Variants in FHIT observed in about 807,000 individuals in gnomAD.
FHIT encodes the protein bis(5'-adenosyl)-triphosphatase.
A neutral mutation model predicts 17.9 loss-of-function variants in FHIT; 19 were observed. The observed-to-expected ratio is 1.06, with a 90% CI of 0.74 to 1.56. The LOEUF (loss-of-function observed/expected upper bound fraction) is 1.56. Ranked by LOEUF, FHIT falls within the 40% of genes most tolerant of loss-of-function variation. The pLI is 0.00. For synonymous variants in FHIT, 81 were observed against 69.7 expected (o/e 1.16, Z -0.81); for missense variants, 248 against 189.2 (o/e 1.31, Z -1.82).
At chr3:59,994,482 A>G (rs1699422152) in intron 7 of FHIT, among the ~76,000 whole-genome samples, 2 of 152,134 alleles carry the variant, frequency 1.3e-5, no homozygotes, top group African/African-American at 4.8e-5. Flanking sequence ...AAAAAATCCC[A>G]TGCCGCATCT....
intron 5 of FHIT, among the ~76,000 whole-genome samples, chr3:60,444,742 C>T (rs2031196261): frequency 6.6e-6 from 1 of 151,738 alleles, no homozygotes; most frequent in Non-Finnish European, 1.5e-5. Flanking sequence ...ATACCTAATG[C>T]TGAATGACGA....
intron 3 of FHIT, among the ~76,000 whole-genome samples, chr3:60,893,202 A>G (rs1210322223): frequency 1.3e-5 from 2 of 152,310 alleles, no homozygotes; most frequent in East Asian, 3.9e-4. Context: ...AAGAAACTCC[A>G]GGAACCAGCC....
chr3:61,032,849 G>A (rs1030316051), intron 3 of FHIT, among the ~76,000 whole-genome samples: 11 of 152,340 alleles, frequency 7.2e-5, no homozygotes, highest in East Asian at 1.9e-4. Context: ...TCTGCCATCT[G>A]CAAGCTGGAG....
chr3:60,460,696 G>A (rs1199480005), intron 5 of FHIT, among the ~76,000 whole-genome samples: 2 of 152,140 alleles, frequency 1.3e-5, no homozygotes, highest in African/African-American at 4.8e-5. Context: ...CACATGTGCT[G>A]TGATTTACAA....
At chr3:60,722,284 G>GTA (rs2041824384) in intron 4 of FHIT, among the ~76,000 whole-genome samples, 1 of 152,182 alleles carries the variant, frequency 6.6e-6, no homozygotes, top group Non-Finnish European at 1.5e-5. Flanking sequence ...TCCTTTACTA[G>GTA]TAGCCCATTT....
intron 5 of FHIT, among the ~76,000 whole-genome samples, chr3:60,335,335 C>T (rs1014821876): frequency 2.6e-5 from 4 of 152,242 alleles, no homozygotes; most frequent in Admixed American, 2.6e-4. Flanking sequence ...TAAGTATATT[C>T]TTATAAACAT....
At chr3:60,632,201 T>C (rs550560898) in intron 4 of FHIT, among the ~76,000 whole-genome samples, 1 of 152,322 alleles carries the variant, frequency 6.6e-6, no homozygotes, top group African/African-American at 2.4e-5. Flanking sequence ...AAATGATTGG[T>C]TCCTCTAAGA....
chr3:60,593,399 G>A lies in FHIT; in HGVS notation c.-17-56420C>T, dbSNP rs185579892. On this transcript the variant is annotated intron_variant, in intron 4 of 9. Transcript: ENST00000492590. The stretch of plus-strand genomic sequence containing the variant: ...CTGGCACATTAATTTACACTTGCAT[G>A]CATATCACTGAAGAAAGGTATTTGG... Among the ~76,000 whole-genome samples the A allele has an allele frequency of 4.6e-5, 7 of 152,184 alleles. No homozygotes were observed. In the East Asian group the frequency reaches 1.4e-3, roughly 30 times the overall value.
intron 7 of FHIT, among the ~76,000 whole-genome samples, chr3:59,931,600 T>C (rs970561287): frequency 2.6e-5 from 4 of 152,102 alleles, no homozygotes; most frequent in Admixed American, 1.3e-4. Context: ...AGAGGAAACA[T>C]AGTGCTTTTC....
chr3:60,176,110 T>C lies in FHIT; in HGVS notation c.104-161958A>G, dbSNP rs148806818. On this transcript the variant is annotated intron_variant, in intron 5 of 9. Transcript: ENST00000492590. ...GCTCACGCCTGTAATGTCAGCACTT[T>C]GGGAGGCCAAGGAAGGTGGATCACC... Among the ~76,000 whole-genome samples the C allele has an allele frequency of 5.1e-3, 780 of 152,306 alleles. 5 individuals are homozygous for C. Among genetic ancestry groups the C allele is most frequent in the African/African-American group, 0.018 (730 of 41,560 alleles).
intron 2 of FHIT, among the ~76,000 whole-genome samples, chr3:61,186,433 AG>A (rs1576172089): frequency 1.3e-5 from 2 of 152,330 alleles, no homozygotes; most frequent in East Asian, 3.9e-4. Flanking sequence ...TCCCCCAGGA[AG>A]GAGGAATACA....
intron 1 of FHIT, among the ~76,000 whole-genome samples, chr3:61,243,844 G>A (rs952278963): frequency 3.9e-5 from 6 of 152,308 alleles, no homozygotes; most frequent in Admixed American, 3.3e-4. Flanking sequence ...GAGAAAGAGT[G>A]TCCCTGGTAG....
chr3:60,503,974 T>A (rs35251804), intron 5 of FHIT, among the ~76,000 whole-genome samples: 31,118 of 151,976 alleles, frequency 0.2, 4,091 homozygotes, highest in African/African-American at 0.36. Context: ...AAAGAGCAAA[T>A]AAGCCTTATT....
intron 8 of FHIT, among the ~76,000 whole-genome samples, chr3:59,764,404 T>C (rs1430883739): frequency 6.6e-6 from 1 of 152,190 alleles, no homozygotes; most frequent in African/African-American, 2.4e-5. Flanking sequence ...GTCCACTGGA[T>C]TGGTCACGAT....
At chr3:60,012,534 G>A (rs1700183676) in intron 6 of FHIT, among the ~76,000 whole-genome samples, 1 of 152,046 alleles carries the variant, frequency 6.6e-6, no homozygotes, top group African/African-American at 2.4e-5. Context: ...CTCCCAAAGT[G>A]CTGGGATTAC....
chr3:60,522,114 T>TTTG (rs2035394059), intron 5 of FHIT, among the ~76,000 whole-genome samples: 1 of 150,654 alleles, frequency 6.6e-6, no homozygotes. Flanking sequence ...AAGTTTTTTT[T>TTTG]TTTTTTTTTT....
intron 3 of FHIT, among the ~76,000 whole-genome samples, chr3:60,874,336 A>T (rs1167033142): frequency 2.0e-5 from 3 of 152,304 alleles, no homozygotes; most frequent in East Asian, 1.9e-4. Context: ...TGTGCATCCT[A>T]GGTCTGAAGA....
chr3:60,764,330 C>T (rs757852798), intron 4 of FHIT, among the ~76,000 whole-genome samples: 1 of 152,074 alleles, frequency 6.6e-6, no homozygotes, highest in Non-Finnish European at 1.5e-5. Flanking sequence ...GTCAAGGATA[C>T]AGAAAACTCC....
chr3:60,861,338 A>G (rs1218304850), intron 3 of FHIT, among the ~76,000 whole-genome samples: 2 of 137,446 alleles, frequency 1.5e-5, no homozygotes, highest in African/African-American at 3.0e-5. Context: ...CAGTTAGCCT[A>G]CTTCAGGGTT....
Sources: allele counts gnomAD v4.1 joint callset (sites outside exome capture counted in the v4.1 genomes callset), GRCh38; gene constraint gnomAD v4.1.1; transcripts MANE v1.5; gene names NCBI Gene and HGNC (gene_info 2026-07-23, HGNC 2026-07-21).